TTC7A: variants seen among roughly 807,000 people sequenced by gnomAD.
The protein encoded by TTC7A is tetratricopeptide repeat domain 7A.
A neutral mutation model predicts 103.7 loss-of-function variants in TTC7A; 110 were observed. That is an observed-to-expected ratio of 1.06 (90% CI 0.91 to 1.24). TTC7A has a LOEUF of 1.24. TTC7A is among the 50% of genes most tolerant of loss of function. The pLI is 0.00. For synonymous variants in TTC7A, 521 were observed against 467.9 expected, an observed-to-expected ratio of 1.11 and a Z score of -1.47; for missense variants, 1,340 against 1,116.3, an observed-to-expected ratio of 1.20 and a Z score of -2.86.
intron 15 of TTC7A, among the ~76,000 whole-genome samples, chr2:47,038,965 C>T (rs1681454168): frequency 6.6e-6 from 1 of 152,154 alleles, no homozygotes; most frequent in Non-Finnish European, 1.5e-5. Flanking sequence ...AAGGAAGGAT[C>T]TCGCAGGAAG....
At position 46,997,516 on chromosome 2, in the gene TTC7A, C is replaced by T. The variant is rs73926338; in HGVS notation, c.1065+2317C>T. Among the ~76,000 whole-genome samples, 916 of 152,306 alleles carry T rather than the reference C, an allele frequency of 6.0e-3. 10 individuals carry two copies. Among genetic ancestry groups the T allele is most frequent in the African/African-American group, 0.02 (839 of 41,554 alleles). ...TCTAATACTGTATGTTCCCATCTTA[C>T]AGATGACAAAAGTGAGGTCCAGGAC... is the stretch of plus-strand genomic sequence containing the variant. On this transcript the variant is annotated intron_variant, in intron 8 of 19. Transcript: ENST00000319190.
chr2:46,999,113 C>T (rs1676522826), intron 8 of TTC7A, among the ~76,000 whole-genome samples: 1 of 152,170 alleles, frequency 6.6e-6, no homozygotes, highest in African/African-American at 2.4e-5. Context: ...CATCCTCCTA[C>T]CCACCATTCA....
chr2:47,048,685 C>T (rs1050989849), intron 16 of TTC7A, among the ~76,000 whole-genome samples: 2 of 152,222 alleles, frequency 1.3e-5, no homozygotes, highest in Non-Finnish European at 2.9e-5. Flanking sequence ...TCACTGCAGC[C>T]TCTGTCCCCT....
intron 19 of TTC7A, among the ~76,000 whole-genome samples, chr2:47,062,474 G>C (rs1458292630): frequency 6.6e-6 from 1 of 152,216 alleles, no homozygotes; most frequent in Non-Finnish European, 1.5e-5. Context: ...TCTGCAAGAG[G>C]CTTCCTCCTT....
At chr2:46,988,720 C>G (rs1675298796) in intron 5 of TTC7A, among the ~76,000 whole-genome samples, 1 of 152,112 alleles carries the variant, frequency 6.6e-6, no homozygotes, top group East Asian at 1.9e-4. Context: ...AAATTGAGTC[C>G]CAGGAGTTCT....
intron 18 of TTC7A, among the ~76,000 whole-genome samples, chr2:47,057,190 T>A (rs1212687806): frequency 6.6e-6 from 1 of 152,200 alleles, no homozygotes; most frequent in Non-Finnish European, 1.5e-5. Context: ...CCCAGACCTT[T>A]GGGCCTGTGT....
chr2:47,058,984 G>A (rs190521066), intron 18 of TTC7A, among the ~76,000 whole-genome samples: 300 of 147,920 alleles, frequency 2.0e-3, no homozygotes, highest in African/African-American at 7.0e-3. Context: ...AGGGAATGGA[G>A]TGGGGTCCTC....
At chr2:47,067,786 C>G (rs1337393732) in intron 19 of TTC7A, 2 of 151,816 alleles carry the variant, frequency 1.3e-5, no homozygotes, top group Non-Finnish European at 2.9e-5. Flanking sequence ...GTTAGTGGCC[C>G]AGTCATTGGG....
chr2:46,921,930 C>A (rs974359706), intron 2 of TTC7A, among the ~76,000 whole-genome samples: 1 of 152,212 alleles, frequency 6.6e-6, no homozygotes, highest in Admixed American at 6.5e-5. Flanking sequence ...CCAGTGCTCA[C>A]TTCCTGCTGT....
At chr2:47,067,570 G>T (rs183423471) in intron 19 of TTC7A, among the ~76,000 whole-genome samples, 3 of 152,340 alleles carry the variant, frequency 2.0e-5, no homozygotes, top group East Asian at 1.9e-4. Context: ...TTTAAAATGA[G>T]TATCAGAGCT....
At chr2:46,962,813 C>T (rs1449818594) in intron 3 of TTC7A, among the ~76,000 whole-genome samples, 1 of 152,196 alleles carries the variant, frequency 6.6e-6, no homozygotes, top group Non-Finnish European at 1.5e-5. Context: ...CAGCCCACCC[C>T]CTGATGGGAG....
intron 8 of TTC7A, among the ~76,000 whole-genome samples, chr2:47,000,865 G>A (rs563026756): frequency 3.5e-4 from 54 of 152,262 alleles, no homozygotes; most frequent in African/African-American, 1.2e-3. Context: ...AGCACCCAGG[G>A]CCTGATGGGA....
chr2:46,995,123 T>G lies in TTC7A; in HGVS notation c.1002-13T>G. The G allele has an allele frequency of 1.2e-6, 2 of 1,614,060 alleles. No homozygotes were observed. Among genetic ancestry groups the G allele is most frequent in the Non-Finnish European group, 1.7e-6 (2 of 1,179,944 alleles). On this transcript the variant is annotated splice_polypyrimidine_tract_variant and intron_variant, in intron 7 of 19. Transcript: ENST00000319190. ...TGTGTGCTCTAGCCAGGCCTGTCAT[T>G]GGTGTCTTTCAGCCTCTACTGCCCC...
chr2:46,979,829 C>T (rs1674258355), intron 5 of TTC7A, among the ~76,000 whole-genome samples: 1 of 152,202 alleles, frequency 6.6e-6, no homozygotes, highest in South Asian at 2.1e-4. Context: ...TCCTCTGCGT[C>T]ATTACAACCT....
chr2:46,954,761 G>A (rs1211589419), intron 2 of TTC7A, among the ~76,000 whole-genome samples: 4 of 151,898 alleles, frequency 2.6e-5, no homozygotes, highest in African/African-American at 9.7e-5. Context: ...TAGTAGAGAC[G>A]GGTTTTACCA....
chr2:46,956,248 C>G (rs553361788), intron 2 of TTC7A, among the ~76,000 whole-genome samples: 2 of 152,338 alleles, frequency 1.3e-5, no homozygotes, highest in South Asian at 4.1e-4. Context: ...TGATTCTGCA[C>G]TTTGACCCAT....
chr2:46,946,370 C>T (rs1275943203), intron 1 of TTC7A, among the ~76,000 whole-genome samples: 5 of 152,126 alleles, frequency 3.3e-5, no homozygotes, highest in Admixed American at 3.3e-4. Context: ...ACTTGTTTTC[C>T]CTTTGGAAGG....
At chr2:47,015,153 C>G (rs1327547574) in intron 11 of TTC7A, among the ~76,000 whole-genome samples, 1 of 152,240 alleles carries the variant, frequency 6.6e-6, no homozygotes, top group East Asian at 1.9e-4. Context: ...GCACTGAAAT[C>G]AGAGAGGCCT....
intron 5 of TTC7A, among the ~76,000 whole-genome samples, chr2:46,993,101 G>A (rs1208632192): frequency 6.6e-6 from 1 of 152,232 alleles, no homozygotes; most frequent in African/African-American, 2.4e-5. Flanking sequence ...GAGAATTTGA[G>A]ACTGACTGAG....
Sources: gnomAD v4.1 joint callset for allele counts (sites outside exome capture counted in the v4.1 genomes callset) on GRCh38, gnomAD v4.1.1 for gene constraint, MANE v1.5 for transcripts, NCBI Gene and HGNC (gene_info 2026-07-23, HGNC 2026-07-21) for gene names.